The following CFAP43 variants were observed in gnomAD, a reference collection of about 807,000 sequenced individuals.
CFAP43 encodes cilia- and flagella-associated protein 43.
A neutral mutation model predicts 218.9 loss-of-function variants in CFAP43; 155 were observed. The ratio of observed to expected loss-of-function variants is 0.71; its 90% CI spans 0.62 to 0.81. The LOEUF (loss-of-function observed/expected upper bound fraction) is 0.81, where lower values mean the gene tolerates loss of function less well. Ranked by LOEUF, CFAP43 falls within the 30% of genes least tolerant of loss-of-function variation. CFAP43 has a pLI of 0.00. For synonymous variants in CFAP43, 645 were observed against 681.3 expected (o/e 0.95, Z 0.83); for missense variants, 1,778 against 1,954.3 (o/e 0.91, Z 1.70).
At chr10:104,148,114 A>G in intron 28 of CFAP43, 116 bp from the exon 29 acceptor site, 1 of 466,694 alleles carries the variant, frequency 2.1e-6, no homozygotes, top group Non-Finnish European at 3.6e-6. Context: ...TTTAAAATGT[A>G]AGAGAAACAT....
In CFAP43 at chr10:104,214,412, C is replaced by T. The variant is rs766651614; in HGVS notation, c.431G>A (p.Ser144Asn). ...CTGTGATTTCTTACACAAAATGATACTCGATTCCCAGTTCCTTAGAGAAAA... is the reference window on the plus strand; with the variant it reads ...CTGTGATTTCTTACACAAAATGATATTCGATTCCCAGTTCCTTAGAGAAAA... ...FELALWNWES[S>N]IILCKKSQPG... is the part of the protein sequence containing the mutation. The change falls in exon 4 of 38, where the codon AGT becomes AAT. Residue 144 changes from serine to asparagine, a missense_variant. By Grantham distance (46) the Ser-to-Asn change is conservative (BLOSUM62 1). This residue lies in a region of CFAP43 where 1,553 missense variants were observed against 1,685.2 expected (regional missense o/e 0.92). Coordinates refer to ENST00000357060, the MANE Select transcript of CFAP43 (RefSeq NM_025145.7). The T allele has an allele frequency of 3.1e-6, 5 of 1,587,310 alleles. No homozygotes were observed. Among genetic ancestry groups the T allele is most frequent in the Admixed American group, 1.8e-5 (1 of 56,050 alleles).
intron 2 of CFAP43, among the ~76,000 whole-genome samples, chr10:104,225,978 A>G (rs1371268646): frequency 1.3e-5 from 2 of 152,252 alleles, no homozygotes; most frequent in Admixed American, 1.3e-4. Flanking sequence ...ATCTTAGGCC[A>G]TATCTGGCCC....
intron 23 of CFAP43, 78 bp downstream of exon 23, chr10:104,166,410 T>G (rs1347448946): frequency 1.0e-6 from 1 of 995,744 alleles, no homozygotes; most frequent in African/African-American, 1.6e-5. Context: ...GATTGGCATT[T>G]GTTTTCAATG....
Position 104,143,591 on chromosome 10 carries a change from G to A in CFAP43, c.3993C>T (p.Phe1331=), listed in dbSNP as rs144641240. 3.4e-5 allele frequency: 55 copies of A among 1,614,042 alleles called. No homozygotes were observed. In the African/African-American group the frequency reaches 5.6e-4, roughly 16 times the overall value. The change falls in exon 32 of 38, where the codon TTC becomes TTT. Residue 1331 remains phenylalanine (F), a synonymous_variant. Coordinates refer to ENST00000357060, the MANE Select transcript of CFAP43 (RefSeq NM_025145.7). ...THSETTSVVP[F]GELPGSGKLN... The stretch of plus-strand genomic sequence containing the variant: ...ACTTGCCAGATCCTGGTAGTTCTCC[G>A]AAAGGGACAACGCTGGTTGTTTCTG...
chr10:104,195,000 A>G (rs2090344321), intron 10 of CFAP43, among the ~76,000 whole-genome samples: 1 of 152,196 alleles, frequency 6.6e-6, no homozygotes, highest in African/African-American at 2.4e-5. Flanking sequence ...TGTGTTCCCA[A>G]AATAAAAATA....
intron 33 of CFAP43, among the ~76,000 whole-genome samples, chr10:104,141,476 G>C (rs2087702565): frequency 6.6e-6 from 1 of 152,130 alleles, no homozygotes; most frequent in Admixed American, 6.5e-5. Flanking sequence ...GCCAGGGGTG[G>C]TGACAGGCAC....
intron 2 of CFAP43, among the ~76,000 whole-genome samples, 157 bp downstream of exon 2, chr10:104,230,433 C>G (rs191506187): frequency 1.3e-5 from 2 of 152,262 alleles, no homozygotes; most frequent in East Asian, 3.9e-4. Flanking sequence ...CCACTGCACT[C>G]CAGCCTAGGC....
chr10:104,214,155 ATATG>A (rs1330425747), intron 4 of CFAP43, 100 bp downstream of exon 4: 5 of 1,087,812 alleles, frequency 4.6e-6, no homozygotes, highest in Non-Finnish European at 5.1e-6. Context: ...GTATGCATAT[ATATG>A]TATGTATAAA....
intron 10 of CFAP43, among the ~76,000 whole-genome samples, chr10:104,196,432 C>A (rs1230369311): frequency 1.3e-5 from 2 of 152,160 alleles, no homozygotes; most frequent in Non-Finnish European, 2.9e-5. Flanking sequence ...TTCAACAGCA[C>A]CCCCTCTCCC....
chr10:104,194,718 GA>G (rs1289880756), intron 10 of CFAP43, among the ~76,000 whole-genome samples: 1 of 152,172 alleles, frequency 6.6e-6, no homozygotes, highest in African/African-American at 2.4e-5. Context: ...TAATACTAGA[GA>G]AATCAGTATT....
At chr10:104,132,093 T>C (rs1318462832) in intron 36 of CFAP43, 23 bp downstream of exon 36, 3 of 1,545,842 alleles carry the variant, frequency 1.9e-6, no homozygotes, top group Admixed American at 1.9e-5. Context: ...TAGGATATAA[T>C]AACCAACGTC....
chr10:104,220,954 G>A (rs2134997355), intron 3 of CFAP43, among the ~76,000 whole-genome samples: 1 of 92,828 alleles, frequency 1.1e-5, no homozygotes, highest in South Asian at 4.7e-4. Flanking sequence ...GTGAGCGTGT[G>A]TGTGTGTGTG....
In CFAP43 at chr10:104,188,317, C is replaced by T; in HGVS notation, c.1640G>A (p.Gly547Glu). 1 of 1,614,114 alleles carries T rather than the reference C, an allele frequency of 6.2e-7. No homozygotes were observed. Among genetic ancestry groups the T allele is most frequent in the Admixed American group, 1.7e-5 (1 of 60,022 alleles). Residue 547 changes from glycine to glutamate, a missense_variant, in exon 13 of 38, where the codon GGG (glycine) becomes GAG (glutamate). Gly to Glu is a moderately conservative substitution (Grantham distance 98). Coordinates refer to ENST00000357060, the MANE Select transcript of CFAP43 (RefSeq NM_025145.7). ...TGTGAACATCTCCAACCTGCTTCTCCCTGCTTCTGGAAGCGAGGAAAGCAC... is the reference window on the plus strand; with the variant it reads ...TGTGAACATCTCCAACCTGCTTCTCTCTGCTTCTGGAAGCGAGGAAAGCAC... ...VMVLSSLPEA[G>E]RSRLEMFTLP...
chr10:104,150,472 T>C (rs1396990138), intron 28 of CFAP43, among the ~76,000 whole-genome samples: 2 of 152,202 alleles, frequency 1.3e-5, no homozygotes, highest in Admixed American at 6.5e-5. Context: ...CATTTGCCAC[T>C]CCTTGCTGTT....
At chr10:104,150,187 C>A (rs1487335402) in intron 28 of CFAP43, among the ~76,000 whole-genome samples, 2 of 152,158 alleles carry the variant, frequency 1.3e-5, no homozygotes, top group Non-Finnish European at 2.9e-5. Context: ...CTGCTCTCAG[C>A]TGTTGAATAT....
chr10:104,190,505 T>C (rs1448427670), intron 12 of CFAP43, among the ~76,000 whole-genome samples: 1 of 152,220 alleles, frequency 6.6e-6, no homozygotes, highest in Non-Finnish European at 1.5e-5. Flanking sequence ...TCAGCTACCA[T>C]GATTTCAAGA....
intron 8 of CFAP43, among the ~76,000 whole-genome samples, chr10:104,198,335 T>C (rs1480806058): frequency 6.6e-6 from 1 of 152,240 alleles, no homozygotes; most frequent in East Asian, 1.9e-4. Context: ...CAGGTTGGAG[T>C]GCAATGGCAC....
intron 20 of CFAP43, among the ~76,000 whole-genome samples, chr10:104,171,573 C>A (rs962349899): frequency 6.6e-6 from 1 of 152,226 alleles, no homozygotes; most frequent in African/African-American, 2.4e-5. Flanking sequence ...GTCCTTGAAT[C>A]CAGCTATCTT....
In CFAP43 at chr10:104,145,540, C is replaced by A; in HGVS notation, c.3880G>T (p.Glu1294Ter). 2 of 1,602,362 alleles carry A rather than the reference C, an allele frequency of 1.2e-6. No individual in the cohort carries two copies. The highest frequency in any genetic ancestry group is 2.2e-5 in the South Asian group (2 of 89,726). Residue 1294 changes from glutamate to a stop codon, truncating the protein, a stop_gained, in exon 31 of 38, where the codon GAA becomes TAA. Coordinates refer to ENST00000357060, the MANE Select transcript of CFAP43 (RefSeq NM_025145.7). LOFTEE classifies it high-confidence loss of function. Reference sequence around the variant, plus strand: ...TGATGACCAGGAATTTCAGAAAATTCCTTTTTAAAGCTGCGATCCATAACC... The same window carrying A: ...TGATGACCAGGAATTTCAGAAAATTACTTTTTAAAGCTGCGATCCATAACC... The part of the protein sequence containing the change: ...DKVMDRSFKK[E>*]FSEIPGHQVD...
Sources: gnomAD v4.1 joint callset for allele counts (sites outside exome capture counted in the v4.1 genomes callset) on GRCh38, gnomAD v4.1.1 for gene constraint, gnomAD v4.1.1 regional missense constraint, MANE v1.5 for transcripts, NCBI Gene and HGNC (gene_info 2026-07-23, HGNC 2026-07-21) for gene names.